The following SHPRH variants were observed in gnomAD, a reference collection of about 807,000 sequenced individuals.
SHPRH encodes E3 ubiquitin-protein ligase SHPRH.
A neutral mutation model predicts 202.5 loss-of-function variants in SHPRH; 106 were observed. The observed-to-expected ratio is 0.52, with a 90% confidence interval of 0.45 to 0.62. SHPRH has a LOEUF of 0.62. Ranked by LOEUF, SHPRH falls within the 20% of genes least tolerant of loss-of-function variation. The pLI, the probability that SHPRH is intolerant of heterozygous loss-of-function variation, is 0.00. For synonymous variants in SHPRH, 729 were observed against 686.0 expected (o/e 1.06, Z -0.98); for missense variants, 1,710 against 2,020.0 (o/e 0.85, Z 2.94).
intron 21 of SHPRH, 36 bp from the exon 22 acceptor site, chr6:145,919,527 C>T (rs1223156159): frequency 6.2e-7 from 1 of 1,603,882 alleles, no homozygotes. Context: ...AGTGGTAAAG[C>T]ATGTAATTAA....
At chr6:145,945,358 G>GAGCT (rs763893314) in intron 8 of SHPRH, 23 bp downstream of exon 8, 42 of 1,595,128 alleles carry the variant, frequency 2.6e-5, no homozygotes, top group Non-Finnish European at 3.4e-5. Context: ...ACTTAATATA[G>GAGCT]AGCTGAACTT....
intron 25 of SHPRH, among the ~76,000 whole-genome samples, chr6:145,902,960 T>A (rs1462184209): frequency 6.6e-6 from 1 of 152,124 alleles, no homozygotes; most frequent in African/African-American, 2.4e-5. Flanking sequence ...GTGTGTTCAA[T>A]TTACTGCAAG....
intron 2 of SHPRH, among the ~76,000 whole-genome samples, chr6:145,870,305 A>T (rs1050087747): frequency 7.5e-6 from 1 of 133,484 alleles, no homozygotes; most frequent in South Asian, 2.3e-4. Flanking sequence ...TCTGTCGCCC[A>T]GGCTGGAGTG....
At chr6:145,910,851 C>T (rs1191166836) in intron 24 of SHPRH, among the ~76,000 whole-genome samples, 1 of 152,032 alleles carries the variant, frequency 6.6e-6, no homozygotes. Context: ...GTATGATAGT[C>T]AGTCACCACT....
In SHPRH at chr6:145,958,944, T is replaced by C. The variant is rs533918199; in HGVS notation, c.-32-3590A>G. 9.2e-5 allele frequency among the ~76,000 whole-genome samples: 14 copies of C among 152,294 alleles called. No individual in the cohort carries two copies. The South Asian group carries it at 2.9e-3, about 32-fold the overall frequency. On this transcript the variant is annotated intron_variant, in intron 1 of 29. Transcript: ENST00000275233. The stretch of plus-strand genomic sequence containing the variant: ...ACCTCCTGGGTTCATGCCATTCTCC[T>C]GCCTCAGCCTCCTGAGTAGCTGGGA...
chr6:145,883,211 A>C (rs986860319), downstream of SHPRH: 5 of 152,234 alleles, frequency 3.3e-5, no homozygotes, highest in African/African-American at 4.8e-5. Context: ...GCAGGAAAAG[A>C]AGCATAAGCT....
intron 23 of SHPRH, among the ~76,000 whole-genome samples, chr6:145,914,511 CCA>C (rs1229264053): frequency 6.6e-6 from 1 of 152,080 alleles, no homozygotes; most frequent in African/African-American, 2.4e-5. Context: ...ATGAATGCAG[CCA>C]CAGACAATAC....
At chr6:145,941,548 T>C in intron 10 of SHPRH, 75 bp downstream of exon 10, 1 of 1,571,824 alleles carries the variant, frequency 6.4e-7, no homozygotes, top group South Asian at 1.2e-5. Context: ...CTTAAACTAT[T>C]AAACTACTCA....
At chr6:145,914,419 T>A (rs376903361) in intron 23 of SHPRH, among the ~76,000 whole-genome samples, 1 of 152,184 alleles carries the variant, frequency 6.6e-6, no homozygotes, top group South Asian at 2.1e-4. Flanking sequence ...TTGACATTTA[T>A]ATAAATGGTG....
chr6:145,952,595 A>C lies in SHPRH; in HGVS notation c.634-117T>G. On this transcript the variant is annotated intron_variant, in intron 2 of 29. Coordinates refer to ENST00000275233, the MANE Select transcript of SHPRH (RefSeq NM_001042683.3). Reference sequence around the variant, plus strand: ...TTTAAAGGTATTCATAGCATGTGTGACACAAACAATAAATACATGCCTACC... The same window carrying C: ...TTTAAAGGTATTCATAGCATGTGTGCCACAAACAATAAATACATGCCTACC... 7.7e-6 allele frequency: 7 copies of C among 906,030 alleles called. No homozygotes were observed. In the South Asian group the frequency reaches 2.1e-4, roughly 27 times the overall value. 56.1% of individuals were successfully genotyped at this position (906,030 alleles called of 1,614,324 possible).
rs755920048 is a variant in SHPRH, at chr6:145,864,465, CAAAAT to C, written c.243_247del (p.Cys83SerfsTer2). ...GGAGAATGGGGTGATGTCATGAAAA[CAAAAT>C]AACGCCTGTTCCTCAAAAAACCTGT... is the stretch of plus-strand genomic sequence containing the variant. On this transcript the variant is annotated frameshift_variant, in exon 3 of 3. Transcript: ENST00000417762. LOFTEE classifies it low-confidence loss of function (END_TRUNC). 1 of 303,076 alleles carries C rather than the reference CAAAAT, an allele frequency of 3.3e-6. No individual in the cohort carries two copies. The highest frequency in any genetic ancestry group is 2.2e-5 in the African/African-American group (1 of 44,860). 18.8% of individuals were successfully genotyped at this position (303,076 alleles called of 1,614,324 possible).
intron 25 of SHPRH, chr6:145,906,705 A>G (rs1446635638): frequency 6.6e-6 from 1 of 152,070 alleles, no homozygotes; most frequent in African/African-American, 2.4e-5. Context: ...TCTATCTCAC[A>G]GTTAAGTTTA....
At position 145,950,431 on chromosome 6, in the gene SHPRH, T is replaced by C. The variant is rs576227534; in HGVS notation, c.815A>G (p.Asp272Gly). The change falls in exon 4 of 30, where the codon GAC (aspartate) becomes GGC (glycine). Residue 272 changes from aspartate (D) to glycine (G), a missense_variant. By Grantham distance (94) the Asp-to-Gly change is moderately conservative (BLOSUM62 -1). Coordinates refer to ENST00000275233, the MANE Select transcript of SHPRH (RefSeq NM_001042683.3). ...CACAAAGTGATACAGCTCGTCAATG[T>C]CTTGTCCCTCTGGCTCACTCTCCGG... ...DDPESEPEGQ[D>G]IDELYHFVKQ... 48 of 1,613,222 alleles carry C rather than the reference T, an allele frequency of 3.0e-5. No homozygotes were observed. The South Asian group carries it at 4.9e-4, about 17-fold the overall frequency.
At chr6:145,864,710 A>G (rs915971222) in intron 2 of SHPRH, among the ~76,000 whole-genome samples, 4 of 151,914 alleles carry the variant, frequency 2.6e-5, no homozygotes, top group Non-Finnish European at 5.9e-5. Context: ...GTTAAAAAAA[A>G]AGAGAAACTG....
exon 3 of SHPRH, chr6:145,864,402 C>G (rs1364411822): frequency 2.3e-6 from 1 of 427,540 alleles, no homozygotes; most frequent in Non-Finnish European, 4.9e-6. Flanking sequence ...CACCAAATCT[C>G]TCAACTGTAG....
chr6:145,923,340 A>G (rs968271454), intron 18 of SHPRH, among the ~76,000 whole-genome samples: 3 of 151,898 alleles, frequency 2.0e-5, no homozygotes, highest in African/African-American at 7.2e-5. Context: ...CACTTTGCCA[A>G]GCACTTTTCC....
intron 2 of SHPRH, among the ~76,000 whole-genome samples, chr6:145,868,582 G>A (rs186900461): frequency 6.6e-6 from 1 of 152,316 alleles, no homozygotes; most frequent in African/African-American, 2.4e-5. Context: ...GGTTATCAGT[G>A]TTAAGGTACG....
intron 25 of SHPRH, among the ~76,000 whole-genome samples, chr6:145,897,441 GTAAAGT>G (rs1383558135): frequency 3.3e-5 from 5 of 152,018 alleles, no homozygotes; most frequent in Admixed American, 1.3e-4. Flanking sequence ...GGTTTCACTG[GTAAAGT>G]TAAACAATCA....
chr6:145,886,837 A>T (rs377291430), intron 29 of SHPRH, 50 bp from the exon 30 acceptor site: 1 of 1,580,716 alleles, frequency 6.3e-7, no homozygotes, highest in African/African-American at 1.4e-5. Flanking sequence ...CCAAGCCATC[A>T]GCGATTATAT....
Sources: gnomAD v4.1 joint callset for allele counts (sites outside exome capture counted in the v4.1 genomes callset) on GRCh38, gnomAD v4.1.1 for gene constraint, MANE v1.5 for transcripts, NCBI Gene and HGNC (gene_info 2026-07-23, HGNC 2026-07-21) for gene names.